ARHGEF18: variants seen among roughly 807,000 people sequenced by gnomAD.
ARHGEF18 encodes the protein Rho/Rac guanine nucleotide exchange factor 18.
Under a neutral mutation model 155.7 loss-of-function variants are expected in ARHGEF18, and 93 were observed. That is an observed-to-expected ratio of 0.60 (90% CI 0.50 to 0.71). The LOEUF (loss-of-function observed/expected upper bound fraction) is 0.71. Among genes scored for constraint, ARHGEF18 ranks in the 30% least tolerant of loss-of-function variants. The pLI, the probability that ARHGEF18 is intolerant of heterozygous loss-of-function variation, is 0.00. For missense variants in ARHGEF18, 1,593 were observed against 1,816.1 expected (o/e 0.88, Z 2.23); for synonymous variants, 742 against 753.1 (o/e 0.99, Z 0.24).
chr19:7,383,275 C>A, intron 10 of ARHGEF18, 72 bp downstream of exon 10: 7 of 1,228,050 alleles, frequency 5.7e-6, no homozygotes, highest in Non-Finnish European at 7.1e-6. Flanking sequence ...TTCAATCATA[C>A]TCCTGGGGTC....
rs779006424 is a variant in ARHGEF18, at chr19:7,469,927, C to T, written c.3811C>T (p.Leu1271=). The change falls in exon 28 of 29, where the codon CTG becomes TTG. Residue 1271 remains leucine (L), a synonymous_variant. Transcript: ENST00000668164. The part of the protein sequence containing the change: ...SSASFDLKQQ[L]LLNKLMGKDE... ...AGCGTCCTTCGACCTGAAGCAGCAG[C>T]TGCTGCTCAACAAGCTCATGGGGAA... The T allele has an allele frequency of 1.2e-6, 2 of 1,612,936 alleles. No homozygotes were observed. Among genetic ancestry groups the T allele is most frequent in the African/African-American group, 1.3e-5 (1 of 74,906 alleles).
chr19:7,413,338 G>A (rs1177897393), intron 10 of ARHGEF18, among the ~76,000 whole-genome samples: 4 of 140,706 alleles, frequency 2.8e-5, no homozygotes, highest in Non-Finnish European at 4.6e-5. Context: ...GTCTTGCTCT[G>A]TTGCCCAGGC....
chr19:7,391,897 T>C (rs1458738954), intron 10 of ARHGEF18, among the ~76,000 whole-genome samples: 2 of 151,298 alleles, frequency 1.3e-5, no homozygotes, highest in Non-Finnish European at 2.9e-5. Context: ...GCTCTGGGCC[T>C]AAGCTCCTTG....
At chr19:7,358,913 G>A (rs777915011) in intron 1 of ARHGEF18, among the ~76,000 whole-genome samples, 1 of 152,186 alleles carries the variant, frequency 6.6e-6, no homozygotes, top group Non-Finnish European at 1.5e-5. Flanking sequence ...ATGTAAAAGT[G>A]GATCAGATAT....
intron 10 of ARHGEF18, among the ~76,000 whole-genome samples, chr19:7,417,289 C>A (rs536568704): frequency 6.6e-6 from 1 of 152,154 alleles, no homozygotes; most frequent in Non-Finnish European, 1.5e-5. Flanking sequence ...GGCTTACCAC[C>A]TGTAATTCTA....
chr19:7,473,055 G>C (rs766875212), downstream of ARHGEF18: 7 of 456,260 alleles, frequency 1.5e-5, no homozygotes, highest in Admixed American at 1.4e-4. Context: ...CTTTGGTGGC[G>C]CCTCCACGAA....
At chr19:7,431,529 A>AAAAAAAAAAAAAAAAAAAAAAG (rs901539858) in intron 10 of ARHGEF18, among the ~76,000 whole-genome samples, 2 of 146,960 alleles carry the variant, frequency 1.4e-5, no homozygotes, top group Admixed American at 6.8e-5. Flanking sequence ...AAAAAAAAAA[A>AAAAAAAAAAAAAAAAAAAAAAG]AAAAGGCCGG....
intron 16 of ARHGEF18, among the ~76,000 whole-genome samples, chr19:7,452,195 G>C (rs919593724): frequency 6.6e-6 from 1 of 152,234 alleles, no homozygotes; most frequent in African/African-American, 2.4e-5. Context: ...CGGTGCCCTG[G>C]TGGTTCAAAC....
At position 7,436,296 on chromosome 19, in the gene ARHGEF18, A is replaced by G. The variant is rs569698471; in HGVS notation, c.968-4048A>G. On this transcript the variant is annotated intron_variant, in intron 10 of 28. Coordinates refer to ENST00000668164, the MANE Select transcript of ARHGEF18 (RefSeq NM_001367823.1). The stretch of plus-strand genomic sequence containing the variant: ...GGTTTTTTGGTTTTAGTTTTTTTCA[A>G]GACAGGATCTCACTCTGCTGCCCAG... Among the ~76,000 whole-genome samples, 22 of 148,890 alleles carry G rather than the reference A, an allele frequency of 1.5e-4. No homozygotes were observed. The East Asian group carries it at 4.5e-3, about 30-fold the overall frequency.
intron 10 of ARHGEF18, chr19:7,439,694 C>A: frequency 8.0e-7 from 1 of 1,247,148 alleles, no homozygotes; most frequent in Non-Finnish European, 1.0e-6. Context: ...GGCTAAACAC[C>A]ATGCCCTGCC....
At chr19:7,410,981 A>T (rs541373739) in intron 10 of ARHGEF18, among the ~76,000 whole-genome samples, 6 of 152,182 alleles carry the variant, frequency 3.9e-5, no homozygotes, top group Non-Finnish European at 8.8e-5. Flanking sequence ...GCCTGTACCC[A>T]GTGTCAAGAG....
chr19:7,416,574 T>A lies in ARHGEF18; in HGVS notation c.968-23770T>A, dbSNP rs1285989288. Reference sequence around the variant, plus strand: ...GTGTGTGTGTGTGTGTGTGTGTGTGTGTGTTTTGGGGTGGATGATATTTTA... The same window carrying A: ...GTGTGTGTGTGTGTGTGTGTGTGTGAGTGTTTTGGGGTGGATGATATTTTA... On this transcript the variant is annotated intron_variant, in intron 10 of 28. Transcript: ENST00000668164. Among the ~76,000 whole-genome samples the A allele has an allele frequency of 3.5e-5, 5 of 142,312 alleles. No homozygotes were observed. The South Asian group carries it at 6.5e-4, about 18-fold the overall frequency. 93.4% of individuals were successfully genotyped at this position (142,312 alleles called of 152,430 possible). A position where few individuals can be genotyped will look rare whatever the true frequency, so the allele number is the denominator to read the frequency against.
rs1291622158 is a variant in ARHGEF18 at position 7,373,537 on chromosome 19, G to A, written c.275+466G>A. ...ATTGCCCAGGCTGGAGTGCAGTGGC[G>A]TGATCTCGGCTCACTGCAATCTCCG... On this transcript the variant is annotated intron_variant, in intron 3 of 28. Transcript: ENST00000668164. Among the ~76,000 whole-genome samples, 10 of 150,758 alleles carry A rather than the reference G, an allele frequency of 6.6e-5. No individual in the cohort carries two copies. In the Middle Eastern group the frequency reaches 0.011, roughly 159 times the overall value.
rs147419751 is a variant in ARHGEF18 at position 7,355,443 on chromosome 19, A to C, written c.-111+6202A>C. Among the ~76,000 whole-genome samples, 510 of 152,284 alleles carry C rather than the reference A, an allele frequency of 3.3e-3. 3 individuals are homozygous for C. Among genetic ancestry groups the C allele is most frequent in the Non-Finnish European group, 5.2e-3 (351 of 68,026 alleles). ...TGCTAAAGGGCTTGGCTTCTCCTCA[A>C]ACCAGGGGTCCCTGGGCCCCTGAGC... On this transcript the variant is annotated intron_variant, in intron 1 of 28. Transcript: ENST00000668164.
downstream of ARHGEF18, chr19:7,477,443 G>A: frequency 7.0e-7 from 1 of 1,424,096 alleles, no homozygotes; most frequent in Non-Finnish European, 9.2e-7. Flanking sequence ...CGGGCTGTGG[G>A]GCAGAGAGGG....
At chr19:7,415,840 G>A (rs891337336) in intron 10 of ARHGEF18, among the ~76,000 whole-genome samples, 2 of 152,100 alleles carry the variant, frequency 1.3e-5, no homozygotes, top group Non-Finnish European at 2.9e-5. Context: ...CCCAGGAGTA[G>A]AATTGCTGGA....
chr19:7,420,495 C>T (rs764316737), intron 10 of ARHGEF18, among the ~76,000 whole-genome samples: 5 of 152,170 alleles, frequency 3.3e-5, no homozygotes, highest in Admixed American at 1.3e-4. Context: ...TCAGGTGATC[C>T]GCCCACCTCG....
At chr19:7,473,053 G>C (rs752807490), downstream of ARHGEF18, 10 of 456,182 alleles carry the variant, frequency 2.2e-5, no homozygotes, top group Non-Finnish European at 4.0e-5. Context: ...GGCTTTGGTG[G>C]CGCCTCCACG....
downstream of ARHGEF18, chr19:7,473,360 A>T (rs997597720): frequency 2.2e-6 from 1 of 448,116 alleles, no homozygotes; most frequent in Non-Finnish European, 4.5e-6. Context: ...TTTAGTAGCC[A>T]TATTAAAAAA....
Sources: gnomAD v4.1 joint callset for allele counts (sites outside exome capture counted in the v4.1 genomes callset) on GRCh38, gnomAD v4.1.1 for gene constraint, MANE v1.5 for transcripts, NCBI Gene and HGNC (gene_info 2026-07-23, HGNC 2026-07-21) for gene names.